Variants in LIMCH1 observed in about 807,000 individuals in gnomAD.
LIMCH1 encodes the protein LIM and calponin homology domains-containing protein 1.
LIMCH1 carries 113 observed loss-of-function variants against 176.5 expected under a neutral mutation model. The ratio of observed to expected loss-of-function variants is 0.64; its 90% confidence interval spans 0.55 to 0.75. The LOEUF (loss-of-function observed/expected upper bound fraction) is 0.75. Ranked by LOEUF, LIMCH1 falls within the 30% of genes least tolerant of loss-of-function variation. The probability of loss-of-function intolerance (pLI) is 0.00; values close to 1 mark genes in which losing one functional copy is unlikely to be tolerated. For synonymous variants in LIMCH1, 619 were observed against 645.9 expected, an observed-to-expected ratio of 0.96 and a Z score of 0.63; for missense variants, 1,674 against 1,814.9, an observed-to-expected ratio of 0.92 and a Z score of 1.41.
chr4:41,616,233 G>GT (rs2092054448), intron 5 of LIMCH1, among the ~76,000 whole-genome samples: 1 of 152,060 alleles, frequency 6.6e-6, no homozygotes. Flanking sequence ...AAAGCGAAGG[G>GT]TTGGGGGTGT....
At chr4:41,450,146 A>G (rs1430314022) in intron 1 of LIMCH1, among the ~76,000 whole-genome samples, 1 of 152,238 alleles carries the variant, frequency 6.6e-6, no homozygotes, top group Admixed American at 6.5e-5. Context: ...AATTCAGTCC[A>G]TAACATTTGA....
At chr4:41,546,867 G>T (rs35607003) in intron 1 of LIMCH1, among the ~76,000 whole-genome samples, 10,447 of 152,142 alleles carry the variant, frequency 0.069, 427 homozygotes, top group South Asian at 0.17. Flanking sequence ...AAGCGAGAGA[G>T]AGAAAGAGAG....
chr4:41,489,264 A>G (rs1346289938), intron 1 of LIMCH1, among the ~76,000 whole-genome samples: 2 of 152,094 alleles, frequency 1.3e-5, no homozygotes, highest in Non-Finnish European at 2.9e-5. Context: ...AAAACCCCCC[A>G]CCAGCTTTTG....
intron 1 of LIMCH1, among the ~76,000 whole-genome samples, chr4:41,574,078 A>G (rs2084010762): frequency 1.3e-5 from 2 of 152,108 alleles, no homozygotes; most frequent in Non-Finnish European, 2.9e-5. Flanking sequence ...AGGAAATATC[A>G]TGGGTTTTGT....
intron 1 of LIMCH1, among the ~76,000 whole-genome samples, chr4:41,414,056 A>G (rs943587827): frequency 2.0e-5 from 3 of 152,234 alleles, no homozygotes; most frequent in Non-Finnish European, 2.9e-5. Flanking sequence ...TACATGAGAA[A>G]AGATTAGATT....
At chr4:41,517,166 A>G (rs2075663781) in intron 2 of LIMCH1, among the ~76,000 whole-genome samples, 1 of 152,224 alleles carries the variant, frequency 6.6e-6, no homozygotes, top group South Asian at 2.1e-4. Context: ...TCCGGGTGTC[A>G]ACATCTAACT....
intron 1 of LIMCH1, among the ~76,000 whole-genome samples, chr4:41,398,942 G>T (rs1369793153): frequency 6.6e-6 from 1 of 152,062 alleles, no homozygotes; most frequent in Non-Finnish European, 1.5e-5. Context: ...TTTAATTTTG[G>T]CAAAATCTAG....
intron 1 of LIMCH1, among the ~76,000 whole-genome samples, chr4:41,365,043 A>G (rs1231683534): frequency 6.6e-6 from 1 of 152,234 alleles, no homozygotes; most frequent in East Asian, 1.9e-4. Context: ...TTCAGTGCCA[A>G]ACACTTTCTG....
chr4:41,440,055 G>A (rs937344536), intron 1 of LIMCH1, among the ~76,000 whole-genome samples: 4 of 152,178 alleles, frequency 2.6e-5, no homozygotes, highest in Non-Finnish European at 5.9e-5. Context: ...GATTAAGGTA[G>A]TATTCCTATA....
In LIMCH1 at chr4:41,626,864, G is replaced by C; in HGVS notation, c.882G>C (p.Arg294Ser). 6.5e-7 allele frequency: 1 copy of C among 1,536,138 alleles called. No individual in the cohort carries two copies. The change falls in exon 8 of 32, where the codon AGG becomes AGC. Residue 294 changes from arginine (R) to serine (S), a missense_variant. Coordinates refer to ENST00000503057, the MANE Select transcript of LIMCH1 (RefSeq NM_001330672.2). ...TTGAGAAGGATGACTTTGCTGCAAG[G>C]AGAGCAAGGATGAACCAAACCAAGC... is the stretch of plus-strand genomic sequence containing the variant. ...PDLEKDDFAARRARMNQTKPM... is the reference protein window; with the variant it reads ...PDLEKDDFAASRARMNQTKPM...
chr4:41,533,490 GT>G (rs1440096004), upstream of LIMCH1, among the ~76,000 whole-genome samples: 1 of 152,152 alleles, frequency 6.6e-6, no homozygotes, highest in Non-Finnish European at 1.5e-5. Context: ...AGATAACACA[GT>G]TTTCCTTGGT....
chr4:41,637,942 A>G (rs2093660159), intron 13 of LIMCH1, among the ~76,000 whole-genome samples: 1 of 152,186 alleles, frequency 6.6e-6, no homozygotes, highest in Non-Finnish European at 1.5e-5. Context: ...CGACTCCAAA[A>G]TGTAATTTAT....
At chr4:41,580,554 A>G (rs2085246728) in intron 1 of LIMCH1, among the ~76,000 whole-genome samples, 1 of 152,160 alleles carries the variant, frequency 6.6e-6, no homozygotes, top group Admixed American at 6.5e-5. Flanking sequence ...GCACAGTGAA[A>G]GAGGAAATTT....
chr4:41,606,770 T>C (rs909338805), intron 4 of LIMCH1, among the ~76,000 whole-genome samples: 1 of 152,128 alleles, frequency 6.6e-6, no homozygotes, highest in Non-Finnish European at 1.5e-5. Context: ...AGGTAAGGCT[T>C]ATTTATAATG....
chr4:41,429,230 T>C lies in LIMCH1; in HGVS notation c.97-65306T>C, dbSNP rs2061386868. Among the ~76,000 whole-genome samples the C allele has an allele frequency of 2.0e-5, 3 of 152,334 alleles. No homozygotes were observed. In the South Asian group the frequency reaches 6.2e-4, roughly 32 times the overall value. ...TGTTTTTTGGTTTGCTTTATTCTCA[T>C]TTTTTCCCTTGGGCTCTTTAAGTAG... On this transcript the variant is annotated intron_variant, in intron 1 of 26. Transcript: ENST00000313860.
In LIMCH1 at chr4:41,390,103, G is replaced by A. The variant is rs151308458; in HGVS notation, c.96+29167G>A. ...TAGCTACAGAGCACATGACATTCCT[G>A]CTCTCCCAAGTTCTAGGTGTCCCTT... is the stretch of plus-strand genomic sequence containing the variant. On this transcript the variant is annotated intron_variant, in intron 1 of 26. Transcript: ENST00000313860. 2.5e-3 allele frequency among the ~76,000 whole-genome samples: 380 copies of A among 152,122 alleles called. 1 individual carries two copies. The highest frequency in any genetic ancestry group is 8.7e-3 in the African/African-American group (359 of 41,502).
intron 1 of LIMCH1, among the ~76,000 whole-genome samples, chr4:41,589,186 A>G (rs1249757936): frequency 1.3e-5 from 2 of 152,216 alleles, no homozygotes; most frequent in Non-Finnish European, 2.9e-5. Context: ...GTGAGAAAGA[A>G]TGAGAATCCT....
At position 41,680,095 on chromosome 4, in the gene LIMCH1, G is replaced by A; in HGVS notation, c.3609G>A (p.Glu1203=). The change falls in exon 24 of 32, where the codon GAG becomes GAA. Residue 1203 remains glutamate, a synonymous_variant. Coordinates refer to ENST00000503057, the MANE Select transcript of LIMCH1 (RefSeq NM_001330672.2). ...EVEEEERRYY[E]EERKIIEDTV... is the part of the protein sequence containing the mutation. ...AAGAGGAAGAACGCAGATACTATGA[G>A]GAGGTAGGAAATTCCCAAGAAGGAA... is the stretch of plus-strand genomic sequence containing the variant. 4 of 1,597,304 alleles carry A rather than the reference G, an allele frequency of 2.5e-6. No individual in the cohort carries two copies. Among genetic ancestry groups the A allele is most frequent in the Non-Finnish European group, 3.4e-6 (4 of 1,170,264 alleles).
chr4:41,385,018 C>G (rs1289709078), intron 1 of LIMCH1, among the ~76,000 whole-genome samples: 1 of 152,198 alleles, frequency 6.6e-6, no homozygotes, highest in Admixed American at 6.5e-5. Flanking sequence ...GTAGTTCTAC[C>G]TCTGTTATGG....
Sources: gnomAD v4.1 joint callset for allele counts (sites outside exome capture counted in the v4.1 genomes callset) on GRCh38, gnomAD v4.1.1 for gene constraint, MANE v1.5 for transcripts, NCBI Gene and HGNC (gene_info 2026-07-23, HGNC 2026-07-21) for gene names.